NTM: variants seen among roughly 807,000 people sequenced by gnomAD.
NTM encodes the protein neurotrimin.
Under a neutral mutation model 42.1 loss-of-function variants are expected in NTM, and 13 were observed. That is an observed-to-expected ratio of 0.31 (90% confidence interval 0.20 to 0.49). The LOEUF (loss-of-function observed/expected upper bound fraction) is 0.49. Ranked by LOEUF, NTM falls within the 20% of genes least tolerant of loss-of-function variation. NTM has a pLI of 0.99. For missense variants in NTM, 373 were observed against 452.8 expected, an observed-to-expected ratio of 0.82 and a Z score of 1.60; for synonymous variants, 187 against 179.2, an observed-to-expected ratio of 1.04 and a Z score of -0.35.
At chr11:131,485,323 G>C (rs1158552301) in intron 1 of NTM, among the ~76,000 whole-genome samples, 1 of 152,204 alleles carries the variant, frequency 6.6e-6, no homozygotes, top group Non-Finnish European at 1.5e-5. Context: ...GGAAATTTGG[G>C]ATCAGTTCCA....
At chr11:131,786,193 AT>A (rs1202532308) in intron 1 of NTM, among the ~76,000 whole-genome samples, 1 of 152,192 alleles carries the variant, frequency 6.6e-6, no homozygotes, top group Non-Finnish European at 1.5e-5. Context: ...TAGCTTGAAA[AT>A]TTTTAAGACA....
At chr11:131,778,972 A>G (rs2087561118) in intron 1 of NTM, among the ~76,000 whole-genome samples, 1 of 152,250 alleles carries the variant, frequency 6.6e-6, no homozygotes, top group Non-Finnish European at 1.5e-5. Context: ...ATAAGTTTTC[A>G]TCATAGTAAA....
intron 1 of NTM, among the ~76,000 whole-genome samples, chr11:131,644,253 A>G (rs891460508): frequency 3.9e-5 from 6 of 152,132 alleles, no homozygotes; most frequent in African/African-American, 1.4e-4. Context: ...GACCCATTAG[A>G]CTGAGTATCT....
At chr11:131,418,402 C>T (rs1321696994) in intron 1 of NTM, among the ~76,000 whole-genome samples, 1 of 151,198 alleles carries the variant, frequency 6.6e-6, no homozygotes, top group Non-Finnish European at 1.5e-5. Flanking sequence ...AGATCTCTGT[C>T]GCCACATCTG....
At chr11:131,630,364 G>C (rs1448705030) in intron 1 of NTM, among the ~76,000 whole-genome samples, 1 of 152,102 alleles carries the variant, frequency 6.6e-6, no homozygotes, top group Non-Finnish European at 1.5e-5. Context: ...ACTAATCCTA[G>C]CTTCAAAGAT....
chr11:131,730,257 G>A (rs138449453), intron 1 of NTM, among the ~76,000 whole-genome samples: 1 of 152,282 alleles, frequency 6.6e-6, no homozygotes, highest in East Asian at 1.9e-4. Flanking sequence ...TTAATATGAT[G>A]TATTTGAGAT....
intron 2 of NTM, among the ~76,000 whole-genome samples, chr11:132,051,675 C>T (rs1487473105): frequency 6.6e-6 from 1 of 152,174 alleles, no homozygotes; most frequent in Non-Finnish European, 1.5e-5. Flanking sequence ...CCCTCCTCCC[C>T]AGGAGGACCC....
At chr11:132,282,764 G>A (rs1030058571) in intron 4 of NTM, among the ~76,000 whole-genome samples, 1 of 151,890 alleles carries the variant, frequency 6.6e-6, no homozygotes, top group Non-Finnish European at 1.5e-5. Context: ...GTTTAAGAGA[G>A]AAACATAATC....
intron 4 of NTM, among the ~76,000 whole-genome samples, chr11:132,255,599 G>C (rs960624677): frequency 6.6e-6 from 1 of 152,212 alleles, no homozygotes. Context: ...AGGGGGTGCG[G>C]AGTGGGTGGT....
chr11:131,599,906 C>G (rs1180764855), intron 1 of NTM, among the ~76,000 whole-genome samples: 1 of 152,208 alleles, frequency 6.6e-6, no homozygotes, highest in African/African-American at 2.4e-5. Context: ...CAGAGTTAGA[C>G]CCTGCGGGTG....
At position 131,944,055 on chromosome 11, in the gene NTM, AT is replaced by A. The variant is rs377427271; in HGVS notation, c.167+32417del. On this transcript the variant is annotated intron_variant, in intron 2 of 8. Coordinates refer to ENST00000683400, the MANE Select transcript of NTM (RefSeq NM_001352005.2). ...TTCTGCTCATAAACTTTTCTGAAAC[AT>A]TTTTTTTTTCTTTTCTGTGAGAGCT... Among the ~76,000 whole-genome samples the A allele has an allele frequency of 1.5e-3, 220 of 150,298 alleles. 1 individual carries two copies. The highest frequency in any genetic ancestry group is 4.5e-3 in the African/African-American group (186 of 40,980).
intron 2 of NTM, among the ~76,000 whole-genome samples, chr11:132,066,762 C>T (rs887258385): frequency 2.0e-5 from 3 of 152,104 alleles, no homozygotes; most frequent in African/African-American, 4.8e-5. Context: ...TTGCTTCTTT[C>T]TTGCTCTGTT....
In NTM at chr11:131,839,626, C is replaced by T. The variant is rs79050936; in HGVS notation, c.83-71938C>T. 2.7e-3 allele frequency among the ~76,000 whole-genome samples: 416 copies of T among 152,324 alleles called. 2 individuals carry two copies. The highest frequency in any genetic ancestry group is 9.5e-3 in the African/African-American group (394 of 41,566). ...AGACTTATAGGTCACCATAAGAACA[C>T]AGACTTTTACTCTGACAGTCACTGG... On this transcript the variant is annotated intron_variant, in intron 1 of 8. Transcript: ENST00000683400.
Position 132,257,992 on chromosome 11 carries a change from C to T in NTM, c.526+45845C>T, listed in dbSNP as rs12575219. On this transcript the variant is annotated intron_variant, in intron 4 of 8. Coordinates refer to ENST00000683400, the MANE Select transcript of NTM (RefSeq NM_001352005.2). ...TAGCTGCAGAGCCTTCCCCACCAGACACATTTGTACTTTGTGACAGCAAGA... is the reference window on the plus strand; with the variant it reads ...TAGCTGCAGAGCCTTCCCCACCAGATACATTTGTACTTTGTGACAGCAAGA... Among the ~76,000 whole-genome samples the T allele has an allele frequency of 3.1e-3, 468 of 152,316 alleles. 9 individuals carry two copies. In the East Asian group the frequency reaches 0.035, roughly 11 times the overall value.
chr11:132,273,289 G>T (rs2093568837), intron 4 of NTM, among the ~76,000 whole-genome samples: 1 of 105,914 alleles, frequency 9.4e-6, no homozygotes, highest in African/African-American at 3.5e-5. Context: ...TTTATTTGTT[G>T]CCAGGTTTTG....
intron 1 of NTM, among the ~76,000 whole-genome samples, chr11:131,726,863 A>G (rs951800376): frequency 6.6e-6 from 1 of 151,238 alleles, no homozygotes; most frequent in Admixed American, 6.6e-5. Flanking sequence ...ACAGGTGTGC[A>G]CCACCATGCA....
intron 4 of NTM, among the ~76,000 whole-genome samples, chr11:132,231,345 A>G (rs2087514822): frequency 1.3e-5 from 2 of 152,184 alleles, no homozygotes; most frequent in Admixed American, 1.3e-4. Flanking sequence ...AGTGAAATCC[A>G]TAATGTCTTC....
intron 1 of NTM, among the ~76,000 whole-genome samples, chr11:131,743,923 TA>T (rs543474431): frequency 1.0e-3 from 152 of 152,348 alleles, no homozygotes; most frequent in African/African-American, 3.1e-3. Flanking sequence ...ACTTTGTGGT[TA>T]TTTCCATTTT....
chr11:131,608,791 G>A (rs1324477574), intron 1 of NTM, among the ~76,000 whole-genome samples: 1 of 151,818 alleles, frequency 6.6e-6, no homozygotes, highest in African/African-American at 2.4e-5. Context: ...AGCTTTCTCT[G>A]ATATTTTCTG....
Sources: allele counts gnomAD v4.1 joint callset (sites outside exome capture counted in the v4.1 genomes callset), GRCh38; gene constraint gnomAD v4.1.1; transcripts MANE v1.5; gene names NCBI Gene and HGNC (gene_info 2026-07-23, HGNC 2026-07-21).